The following PTH2R variants were observed in gnomAD, a reference collection of about 807,000 sequenced individuals.
PTH2R encodes the protein PTH2 receptor.
Under a neutral mutation model 60.3 loss-of-function variants are expected in PTH2R, and 59 were observed. The observed-to-expected ratio is 0.98, with a 90% CI of 0.79 to 1.22. PTH2R has a LOEUF of 1.22. Among genes scored for constraint, PTH2R ranks in the 50% most tolerant of loss-of-function variants. PTH2R has a pLI of 0.00. For missense variants in PTH2R, 749 were observed against 682.6 expected, an observed-to-expected ratio of 1.10 and a Z score of -1.08; for synonymous variants, 256 against 243.8, an observed-to-expected ratio of 1.05 and a Z score of -0.47.
chr2:208,403,022 C>G (rs1016490206), upstream of PTH2R, among the ~76,000 whole-genome samples: 1 of 152,078 alleles, frequency 6.6e-6, no homozygotes, highest in Non-Finnish European at 1.5e-5. Context: ...AGGTACTACC[C>G]CTAAAATGGA....
intron 1 of PTH2R, among the ~76,000 whole-genome samples, chr2:208,409,602 G>A (rs1701499078): frequency 6.6e-6 from 1 of 152,094 alleles, no homozygotes; most frequent in African/African-American, 2.4e-5. Context: ...CAGGCAGAAT[G>A]AGCTTGTGTA....
At chr2:208,393,086 A>G (rs1701138289) in intron 1 of PTH2R, among the ~76,000 whole-genome samples, 1 of 152,182 alleles carries the variant, frequency 6.6e-6, no homozygotes, top group Admixed American at 6.5e-5. Flanking sequence ...CAAGCTTGCA[A>G]CGCTGCTACT....
intron 1 of PTH2R, among the ~76,000 whole-genome samples, chr2:208,378,662 C>T (rs1227798106): frequency 6.6e-6 from 1 of 152,060 alleles, no homozygotes; most frequent in Non-Finnish European, 1.5e-5. Context: ...GTCTGTGAAC[C>T]AGGAAGCAGG....
intron 2 of PTH2R, among the ~76,000 whole-genome samples, chr2:208,431,852 A>G (rs990943902): frequency 1.3e-5 from 2 of 152,218 alleles, no homozygotes; most frequent in African/African-American, 4.8e-5. Context: ...CCCCAAATGT[A>G]GAGCTTGCTG....
intron 1 of PTH2R, among the ~76,000 whole-genome samples, chr2:208,416,926 C>A (rs1315590866): frequency 6.6e-6 from 1 of 152,074 alleles, no homozygotes; most frequent in Non-Finnish European, 1.5e-5. Context: ...TATTGTGGAA[C>A]CTTGTGATTG....
chr2:208,397,085 C>G (rs1254433428), intron 1 of PTH2R, among the ~76,000 whole-genome samples: 1 of 151,956 alleles, frequency 6.6e-6, no homozygotes, highest in African/African-American at 2.4e-5. Context: ...TGTTCTCACT[C>G]ATAGGTGGGA....
At chr2:208,412,092 C>T (rs1183295922) in intron 1 of PTH2R, among the ~76,000 whole-genome samples, 1 of 152,202 alleles carries the variant, frequency 6.6e-6, no homozygotes, top group African/African-American at 2.4e-5. Context: ...ACGGCTTCTT[C>T]TTCAGAACCC....
chr2:208,484,740 C>T (rs1170969160), intron 10 of PTH2R, among the ~76,000 whole-genome samples: 1 of 152,104 alleles, frequency 6.6e-6, no homozygotes, highest in Non-Finnish European at 1.5e-5. Context: ...GTATTTATTA[C>T]GTAGCATGAG....
intron 1 of PTH2R, among the ~76,000 whole-genome samples, chr2:208,364,862 A>G (rs1033687972): frequency 4.0e-5 from 6 of 151,844 alleles, no homozygotes; most frequent in Non-Finnish European, 8.8e-5. Flanking sequence ...TATAGTTTTC[A>G]TTATATAAGT....
At chr2:208,477,971 TACTACTAGC>T (rs1239535725) in intron 9 of PTH2R, among the ~76,000 whole-genome samples, 3 of 27,756 alleles carry the variant, frequency 1.1e-4, no homozygotes, top group Non-Finnish European at 1.5e-4. Context: ...CTAGTACTAG[TACTACTAGC>T]ACTACTACTA....
chr2:208,391,054 G>A (rs968857580), intron 1 of PTH2R, among the ~76,000 whole-genome samples: 1 of 152,144 alleles, frequency 6.6e-6, no homozygotes, highest in Non-Finnish European at 1.5e-5. Flanking sequence ...AAAGAAGAAC[G>A]GTGTAAGGCC....
intron 1 of PTH2R, among the ~76,000 whole-genome samples, chr2:208,370,318 C>T (rs1243157586): frequency 6.6e-6 from 1 of 151,544 alleles, no homozygotes; most frequent in East Asian, 1.9e-4. Flanking sequence ...TGGCGGGCAC[C>T]TGTAGTCCCA....
intron 1 of PTH2R, among the ~76,000 whole-genome samples, chr2:208,414,234 T>C (rs1281018148): frequency 6.6e-6 from 1 of 152,186 alleles, no homozygotes; most frequent in Non-Finnish European, 1.5e-5. Flanking sequence ...GAAAGGGAGC[T>C]AGAACTTAAA....
chr2:208,394,081 T>C (rs999727740), intron 1 of PTH2R, among the ~76,000 whole-genome samples: 7 of 152,178 alleles, frequency 4.6e-5, no homozygotes, highest in African/African-American at 1.7e-4. Context: ...GTCTGAGTTG[T>C]CTTGAGGGGC....
chr2:208,394,346 A>T (rs1403950995), intron 1 of PTH2R, among the ~76,000 whole-genome samples: 1 of 152,238 alleles, frequency 6.6e-6, no homozygotes, highest in Non-Finnish European at 1.5e-5. Flanking sequence ...TCTGTTACTC[A>T]TCTAGAAAGA....
chr2:208,389,606 C>CT lies in PTH2R; in HGVS notation c.-259+29370dup, dbSNP rs769056146. On this transcript the variant is annotated intron_variant, in intron 1 of 12. Coordinates refer to the PTH2R transcript ENST00000617735. The stretch of plus-strand genomic sequence containing the variant: ...GAATAGTACCTTCCCTATGTCTAGG[C>CT]TATGTATGACCCATGAGGGGAAGTA... 3.8e-4 allele frequency among the ~76,000 whole-genome samples: 58 copies of CT among 152,198 alleles called. 1 individual carries two copies. The highest frequency in any genetic ancestry group is 2.6e-4 in the Admixed American group (4 of 15,278).
At chr2:208,486,013 A>C (rs760720061) in intron 10 of PTH2R, among the ~76,000 whole-genome samples, 3 of 152,304 alleles carry the variant, frequency 2.0e-5, no homozygotes, top group Admixed American at 2.0e-4. Context: ...CAGCCAAAAA[A>C]CAGCCCCGCA....
chr2:208,364,318 C>T (rs1261109978), intron 1 of PTH2R, among the ~76,000 whole-genome samples: 11 of 152,002 alleles, frequency 7.2e-5, no homozygotes, highest in Non-Finnish European at 8.8e-5. Context: ...AATGTCCTGA[C>T]GATTTTTTTC....
At chr2:208,396,961 G>C (rs966638811) in intron 1 of PTH2R, among the ~76,000 whole-genome samples, 1 of 152,126 alleles carries the variant, frequency 6.6e-6, no homozygotes, top group African/African-American at 2.4e-5. Flanking sequence ...ATATACCATG[G>C]AATACTATGC....
Sources: gnomAD v4.1 joint callset for allele counts (sites outside exome capture counted in the v4.1 genomes callset) on GRCh38, gnomAD v4.1.1 for gene constraint, MANE v1.5 for transcripts, NCBI Gene and HGNC (gene_info 2026-07-23, HGNC 2026-07-21) for gene names.